NDUFAF6: variants seen among roughly 807,000 people sequenced by gnomAD.
NDUFAF6 encodes NADH dehydrogenase (ubiquinone) complex I, assembly factor 6.
In NDUFAF6, 45 loss-of-function variants were observed where a neutral mutation model predicts 40.8. The ratio of observed to expected loss-of-function variants is 1.10; its 90% CI spans 0.87 to 1.42. NDUFAF6 has a LOEUF of 1.42. NDUFAF6 is among the 40% of genes most tolerant of loss of function. The probability of loss-of-function intolerance (pLI) is 0.00; values close to 1 mark genes in which losing one functional copy is unlikely to be tolerated. For synonymous variants in NDUFAF6, 185 were observed against 155.9 expected, an observed-to-expected ratio of 1.19 and a Z score of -1.39; for missense variants, 435 against 418.5, an observed-to-expected ratio of 1.04 and a Z score of -0.34.
At chr8:95,115,700 T>C (rs1810117671) in exon 5 of NDUFAF6, 1 of 152,246 alleles carries the variant, frequency 6.6e-6, no homozygotes, top group Admixed American at 6.5e-5. Flanking sequence ...ATACGCGAGC[T>C]GTCAGACCTC....
chr8:95,012,643 AAAAT>A (rs61552543), intron 2 of NDUFAF6, among the ~76,000 whole-genome samples: 19 of 147,418 alleles, frequency 1.3e-4, no homozygotes, highest in Admixed American at 2.7e-4. Flanking sequence ...CTCTGTCTCT[AAAAT>A]AAATAAATAA....
chr8:94,974,169 C>T (rs147730799), intron 1 of NDUFAF6, among the ~76,000 whole-genome samples: 107 of 151,260 alleles, frequency 7.1e-4, no homozygotes, highest in African/African-American at 2.5e-3. Context: ...CTCTTGTGGC[C>T]ATACCATCTC....
chr8:94,933,776 A>C (rs539868727), intron 1 of NDUFAF6, among the ~76,000 whole-genome samples: 18 of 148,874 alleles, frequency 1.2e-4, no homozygotes, highest in Admixed American at 2.7e-4. Flanking sequence ...AAAAACCCCC[A>C]AAAAAACCAA....
chr8:95,116,695 G>T (rs1409315643), downstream of NDUFAF6, among the ~76,000 whole-genome samples: 2 of 152,136 alleles, frequency 1.3e-5, no homozygotes, highest in Admixed American at 6.5e-5. Flanking sequence ...GAAGTAAAAA[G>T]TACATGTATT....
chr8:95,052,253 C>A (rs777713051), intron 8 of NDUFAF6, 23 bp downstream of exon 8: 30 of 1,608,648 alleles, frequency 1.9e-5, no homozygotes, highest in Non-Finnish European at 2.5e-5. Context: ...ACAGAGAAGG[C>A]TGTATAATTA....
At chr8:95,057,717 C>T in intron 8 of NDUFAF6, 92 bp from the exon 9 acceptor site, 1 of 1,021,638 alleles carries the variant, frequency 9.8e-7, no homozygotes, top group Non-Finnish European at 1.5e-6. Flanking sequence ...CTAAAATAGC[C>T]TAAATACTTG....
chr8:95,028,416 C>T (rs1828433589), intron 1 of NDUFAF6, among the ~76,000 whole-genome samples: 1 of 152,094 alleles, frequency 6.6e-6, no homozygotes, highest in African/African-American at 2.4e-5. Context: ...ACATTTATAA[C>T]GATGATCCTA....
chr8:95,076,860 C>G (rs565598364), downstream of NDUFAF6, among the ~76,000 whole-genome samples: 1 of 115,440 alleles, frequency 8.7e-6, no homozygotes, highest in Non-Finnish European at 1.7e-5. Flanking sequence ...GCAACAAGAG[C>G]GAAACTCCGT....
chr8:94,909,497 G>A (rs1290083608), intron 1 of NDUFAF6, among the ~76,000 whole-genome samples: 1 of 151,032 alleles, frequency 6.6e-6, no homozygotes, highest in Admixed American at 6.6e-5. Context: ...GTGGTAGTGG[G>A]CGTCTGTAAT....
At chr8:94,982,193 CT>C (rs1825502833) in intron 2 of NDUFAF6, among the ~76,000 whole-genome samples, 1 of 151,898 alleles carries the variant, frequency 6.6e-6, no homozygotes, top group Non-Finnish European at 1.5e-5. Context: ...GATCATGCCA[CT>C]GCACTCCAGC....
intron 1 of NDUFAF6, chr8:94,939,953 G>C (rs1439122384): frequency 6.2e-7 from 1 of 1,614,106 alleles, no homozygotes; most frequent in Non-Finnish European, 8.5e-7. Context: ...AGACATGCTG[G>C]GATGTTCAAT....
intron 2 of NDUFAF6, among the ~76,000 whole-genome samples, chr8:95,084,273 A>G (rs2132055431): frequency 6.6e-6 from 1 of 152,218 alleles, no homozygotes; most frequent in Non-Finnish European, 1.5e-5. Context: ...GTTATTTTGA[A>G]TCAAAATTTG....
At chr8:95,083,678 A>C (rs990461062) in intron 2 of NDUFAF6, among the ~76,000 whole-genome samples, 4 of 152,224 alleles carry the variant, frequency 2.6e-5, no homozygotes, top group Admixed American at 6.5e-5. Flanking sequence ...CTTCTTTATT[A>C]ATGCATTAAT....
intron 1 of NDUFAF6, among the ~76,000 whole-genome samples, chr8:94,909,891 C>A (rs936646116): frequency 6.6e-6 from 1 of 151,818 alleles, no homozygotes; most frequent in Non-Finnish European, 1.5e-5. Context: ...CTGTGTGTCA[C>A]CTGGTTTCAC....
intron 1 of NDUFAF6, chr8:94,939,572 A>AT: frequency 6.0e-6 from 2 of 331,962 alleles, no homozygotes; most frequent in South Asian, 5.3e-5. Context: ...ATTTTTTGTT[A>AT]TTTTTTGTAC....
At chr8:95,051,195 C>T (rs548892670) in intron 7 of NDUFAF6, among the ~76,000 whole-genome samples, 58 of 152,152 alleles carry the variant, frequency 3.8e-4, no homozygotes, top group African/African-American at 1.3e-3. Flanking sequence ...GTACAGAGGA[C>T]CAGGGGCAGA....
intron 2 of NDUFAF6, among the ~76,000 whole-genome samples, chr8:94,997,343 C>CACACACACACACACACAG (rs1242904810): frequency 3.3e-5 from 3 of 90,514 alleles, no homozygotes; most frequent in South Asian, 4.7e-4. Context: ...CACACACACA[C>CACACACACACACACACAG]AGAGAGAGAG....
chr8:95,066,068 C>G (rs1832695312), intron 9 of NDUFAF6, among the ~76,000 whole-genome samples: 1 of 152,118 alleles, frequency 6.6e-6, no homozygotes, highest in Admixed American at 6.5e-5. Flanking sequence ...AAAAGCCATT[C>G]TGAGCATATA....
intron 9 of NDUFAF6, among the ~76,000 whole-genome samples, chr8:95,074,414 A>AGTCACT (rs372947279): frequency 6.8e-6 from 1 of 147,608 alleles, no homozygotes; most frequent in African/African-American, 2.6e-5. Context: ...GGGGCCAGGG[A>AGTCACT]AGTGTTTGAC....
Sources: gnomAD v4.1 joint callset for allele counts (sites outside exome capture counted in the v4.1 genomes callset) on GRCh38, gnomAD v4.1.1 for gene constraint, MANE v1.5 for transcripts, NCBI Gene and HGNC (gene_info 2026-07-23, HGNC 2026-07-21) for gene names.